The following CACNB2 variants were observed in gnomAD, a reference collection of about 807,000 sequenced individuals.
CACNB2 encodes voltage-dependent L-type calcium channel subunit beta-2.
A neutral mutation model predicts 73.3 loss-of-function variants in CACNB2; 42 were observed. The observed-to-expected ratio is 0.57, with a 90% CI of 0.45 to 0.74. The LOEUF is 0.74. Ranked by LOEUF, CACNB2 falls within the 30% of genes least tolerant of loss-of-function variation. The pLI, the probability that CACNB2 is intolerant of heterozygous loss-of-function variation, is 0.00. For missense variants in CACNB2, 940 were observed against 853.0 expected (o/e 1.10, Z -1.27); for synonymous variants, 348 against 310.3 (o/e 1.12, Z -1.28).
chr10:18,538,716 C>T (rs2053853731), intron 13 of CACNB2, among the ~76,000 whole-genome samples: 1 of 152,092 alleles, frequency 6.6e-6, no homozygotes, highest in African/African-American at 2.4e-5. Flanking sequence ...GCAACCTGTC[C>T]AAGAGGCTGC....
chr10:18,460,300 T>G (rs75692302), intron 3 of CACNB2, among the ~76,000 whole-genome samples: 4,553 of 152,148 alleles, frequency 0.03, 103 homozygotes, highest in East Asian at 0.11. Flanking sequence ...TCAACTTCTG[T>G]TTGCACATTT....
intron 2 of CACNB2, among the ~76,000 whole-genome samples, chr10:18,267,604 T>G (rs111904190): frequency 0.02 from 3,012 of 152,156 alleles, 88 homozygotes; most frequent in African/African-American, 0.064. Context: ...AGACTCCATC[T>G]CAAAAAAGAA....
At chr10:18,347,367 TTTTTTTG>T (rs952174545) in intron 2 of CACNB2, among the ~76,000 whole-genome samples, 4 of 135,860 alleles carry the variant, frequency 2.9e-5, no homozygotes, top group South Asian at 2.4e-4. Flanking sequence ...TTTTTTTTTT[TTTTTTTG>T]TATTTTAGTA....
intron 2 of CACNB2, among the ~76,000 whole-genome samples, chr10:18,260,102 T>C (rs907284733): frequency 1.3e-5 from 2 of 152,126 alleles, no homozygotes; most frequent in Non-Finnish European, 2.9e-5. Flanking sequence ...ACACTAAAGA[T>C]ATTGCGTATT....
At position 18,214,486 on chromosome 10, in the gene CACNB2, G is replaced by T. The variant is rs1432997309; in HGVS notation, c.213+63511G>T. ...ACCAAAAATATAAAAAATTAGCCGA[G>T]TGTGGTGGCATGTGCCTGTAATCCC... On this transcript the variant is annotated intron_variant, in intron 2 of 13. Coordinates refer to ENST00000324631, the MANE Select transcript of CACNB2 (RefSeq NM_201596.3). 2.8e-5 allele frequency among the ~76,000 whole-genome samples: 2 copies of T among 71,770 alleles called. 1 individual carries two copies. The highest frequency in any genetic ancestry group is 6.5e-5 in the African/African-American group (2 of 30,788). The allele number at this position is 71,770 out of a possible 152,430, so 47.1% of individuals were successfully genotyped here. A position where few individuals can be genotyped will look rare whatever the true frequency, so the allele number is the denominator to read the frequency against.
chr10:18,298,360 A>G (rs2039364915), intron 2 of CACNB2, among the ~76,000 whole-genome samples: 1 of 147,084 alleles, frequency 6.8e-6, no homozygotes, highest in Non-Finnish European at 1.5e-5. Context: ...AAAGAGCGAA[A>G]CTCTGTCTCA....
At chr10:18,504,639 T>TTGTGTGTG (rs113483548) in intron 5 of CACNB2, among the ~76,000 whole-genome samples, 2 of 151,648 alleles carry the variant, frequency 1.3e-5, no homozygotes, top group African/African-American at 2.4e-5. Context: ...TTCTCTCCTT[T>TTGTGTGTG]TGTGTGTGTG....
intron 2 of CACNB2, among the ~76,000 whole-genome samples, chr10:18,254,547 A>G (rs567754571): frequency 1.3e-5 from 2 of 152,334 alleles, no homozygotes; most frequent in South Asian, 4.1e-4. Flanking sequence ...TCTGAAAAAC[A>G]AAACAAAAAC....
intron 3 of CACNB2, among the ~76,000 whole-genome samples, chr10:18,445,598 C>T (rs1023359428): frequency 1.3e-5 from 2 of 151,980 alleles, no homozygotes; most frequent in Non-Finnish European, 2.9e-5. Flanking sequence ...TAAATATGAA[C>T]GAGAGAGACC....
intron 3 of CACNB2, among the ~76,000 whole-genome samples, chr10:18,446,804 C>A (rs1392651836): frequency 3.3e-5 from 5 of 152,114 alleles, no homozygotes; most frequent in Non-Finnish European, 5.9e-5. Context: ...GTGGCTCATG[C>A]CTGTAATCCT....
chr10:18,168,052 C>T (rs1411186537), intron 2 of CACNB2, among the ~76,000 whole-genome samples: 1 of 148,874 alleles, frequency 6.7e-6, no homozygotes, highest in Non-Finnish European at 1.5e-5. Context: ...TGCAGACATT[C>T]TATATTCCCT....
chr10:18,264,960 T>G (rs1416377674), intron 2 of CACNB2, among the ~76,000 whole-genome samples: 1 of 152,168 alleles, frequency 6.6e-6, no homozygotes, highest in Non-Finnish European at 1.5e-5. Flanking sequence ...GGTCAGCAGC[T>G]TTCTGAAACA....
chr10:18,306,832 G>A (rs972784889), intron 2 of CACNB2, among the ~76,000 whole-genome samples: 1 of 152,154 alleles, frequency 6.6e-6, no homozygotes, highest in African/African-American at 2.4e-5. Context: ...GAGGGTTAGA[G>A]ATCATGGGAA....
intron 2 of CACNB2, among the ~76,000 whole-genome samples, chr10:18,198,121 T>C (rs2034710635): frequency 6.7e-6 from 1 of 148,228 alleles, no homozygotes; most frequent in Non-Finnish European, 1.5e-5. Flanking sequence ...ATATGACATA[T>C]ATGTAATATA....
At chr10:18,538,413 A>G (rs1463691472) in intron 13 of CACNB2, 48 bp downstream of exon 13, 1 of 1,567,000 alleles carries the variant, frequency 6.4e-7, no homozygotes, top group East Asian at 2.2e-5. Context: ...TTCATAGAAA[A>G]AAGGTTGCCT....
chr10:18,441,544 T>C (rs952882595), intron 3 of CACNB2, among the ~76,000 whole-genome samples: 11 of 152,336 alleles, frequency 7.2e-5, no homozygotes, highest in Admixed American at 2.0e-4. Context: ...TTTTTCTTTT[T>C]TTTGCTGGCT....
At chr10:18,521,940 G>A (rs1464907967) in intron 9 of CACNB2, among the ~76,000 whole-genome samples, 1 of 152,146 alleles carries the variant, frequency 6.6e-6, no homozygotes, top group African/African-American at 2.4e-5. Flanking sequence ...GGCCTGCTAG[G>A]GGCCACACAG....
At chr10:18,353,784 G>A (rs1404172810) in intron 2 of CACNB2, among the ~76,000 whole-genome samples, 1 of 152,152 alleles carries the variant, frequency 6.6e-6, no homozygotes, top group Non-Finnish European at 1.5e-5. Context: ...GGCAGCTGAG[G>A]GCTTCCGGTT....
At chr10:18,220,671 C>T (rs1033033378) in intron 2 of CACNB2, among the ~76,000 whole-genome samples, 5 of 152,118 alleles carry the variant, frequency 3.3e-5, no homozygotes, top group African/African-American at 7.2e-5. Flanking sequence ...AGTAGGTGAG[C>T]GCCTGGCAAG....
Sources: gnomAD v4.1 joint callset for allele counts (sites outside exome capture counted in the v4.1 genomes callset) on GRCh38, gnomAD v4.1.1 for gene constraint, MANE v1.5 for transcripts, NCBI Gene and HGNC (gene_info 2026-07-23, HGNC 2026-07-21) for gene names.